ATE1: variants seen among roughly 807,000 people sequenced by gnomAD.
ATE1 encodes the protein arginyltransferase 1.
Under a neutral mutation model 70.5 loss-of-function variants are expected in ATE1, and 36 were observed. That is an observed-to-expected ratio of 0.51 (90% CI 0.39 to 0.67). The LOEUF (loss-of-function observed/expected upper bound fraction) is 0.67. Ranked by LOEUF, ATE1 falls within the 30% of genes least tolerant of loss-of-function variation. The probability of loss-of-function intolerance (pLI) is 0.00; values close to 1 mark genes in which losing one functional copy is unlikely to be tolerated. For synonymous variants in ATE1, 232 were observed against 219.3 expected, an observed-to-expected ratio of 1.06 and a Z score of -0.51; for missense variants, 593 against 629.5, an observed-to-expected ratio of 0.94 and a Z score of 0.62.
chr10:121,863,223 T>C (rs1415357508), intron 8 of ATE1, among the ~76,000 whole-genome samples: 1 of 147,022 alleles, frequency 6.8e-6, no homozygotes, highest in African/African-American at 2.7e-5. Flanking sequence ...GAAATGTCAC[T>C]CTTTCTTCCA....
rs369126133 is a variant in ATE1 at position 121,911,120 on chromosome 10, A to G, written c.369T>C (p.Ala123=). The change falls in exon 5 of 12, where the codon GCT becomes GCC. Residue 123 remains alanine, a synonymous_variant. Transcript: ENST00000224652. ...DEPMDSTMDD[A]VAGDFALINK... is the part of the protein sequence containing the mutation. ...TTATCAATGCAAAGTCACCCGCAAC[A>G]GCATCATCCATTGTGGAATCCATGG... 3.1e-6 allele frequency: 5 copies of G among 1,608,654 alleles called. No individual in the cohort carries two copies. Among genetic ancestry groups the G allele is most frequent in the Middle Eastern group, 1.6e-4 (1 of 6,066 alleles).
chr10:121,882,451 T>C (rs1950257275), intron 7 of ATE1, among the ~76,000 whole-genome samples: 1 of 152,218 alleles, frequency 6.6e-6, no homozygotes. Context: ...CAAGCACCTT[T>C]ACAAGTATAG....
At chr10:121,908,189 A>C (rs1289740071) in intron 5 of ATE1, among the ~76,000 whole-genome samples, 1 of 152,192 alleles carries the variant, frequency 6.6e-6, no homozygotes, top group Non-Finnish European at 1.5e-5. Context: ...AAAAATGATA[A>C]ATAAAAAGAA....
intron 10 of ATE1, among the ~76,000 whole-genome samples, chr10:121,834,640 G>A (rs774607304): frequency 1.3e-5 from 2 of 151,814 alleles, no homozygotes; most frequent in African/African-American, 4.8e-5. Context: ...GTCAACAAAG[G>A]TGTCAGCAAA....
intron 10 of ATE1, among the ~76,000 whole-genome samples, chr10:121,819,940 G>C (rs1947726555): frequency 6.6e-6 from 1 of 151,974 alleles, no homozygotes; most frequent in Non-Finnish European, 1.5e-5. Flanking sequence ...GAGGTCAGGA[G>C]TTCGAGACCA....
intron 7 of ATE1, among the ~76,000 whole-genome samples, chr10:121,884,098 C>T (rs1340041977): frequency 2.0e-5 from 2 of 98,480 alleles, no homozygotes; most frequent in Admixed American, 1.4e-4. Flanking sequence ...ACAGTGAGAC[C>T]CAGACTCAAA....
intron 10 of ATE1, among the ~76,000 whole-genome samples, chr10:121,815,472 T>C (rs1302036837): frequency 6.6e-6 from 1 of 152,158 alleles, no homozygotes; most frequent in South Asian, 2.1e-4. Flanking sequence ...TACCACTGCT[T>C]CTGAAGGACC....
intron 10 of ATE1, among the ~76,000 whole-genome samples, chr10:121,821,837 C>A (rs1178978707): frequency 6.6e-6 from 1 of 152,148 alleles, no homozygotes; most frequent in South Asian, 2.1e-4. Context: ...GCTGAGACTG[C>A]GCCACTGCAC....
intron 10 of ATE1, among the ~76,000 whole-genome samples, chr10:121,830,833 C>A (rs1344904043): frequency 6.6e-6 from 1 of 152,184 alleles, no homozygotes; most frequent in Non-Finnish European, 1.5e-5. Flanking sequence ...AGGTTTACTT[C>A]AGATTTTCGG....
intron 11 of ATE1, among the ~76,000 whole-genome samples, chr10:121,746,001 A>G (rs549957300): frequency 1.4e-4 from 21 of 152,308 alleles, no homozygotes; most frequent in African/African-American, 4.8e-4. Flanking sequence ...TCCAATATAA[A>G]AAATCTGGAG....
chr10:121,812,705 C>A (rs761557708), intron 10 of ATE1, among the ~76,000 whole-genome samples: 10 of 152,204 alleles, frequency 6.6e-5, no homozygotes, highest in Non-Finnish European at 1.3e-4. Context: ...CCTTTCCCTT[C>A]TCTTCCCTCC....
intron 11 of ATE1, among the ~76,000 whole-genome samples, chr10:121,754,285 T>C (rs1008779558): frequency 5.3e-5 from 8 of 152,154 alleles, no homozygotes; most frequent in Admixed American, 4.6e-4. Flanking sequence ...AAAAAATAAC[T>C]AGGGCTCCTT....
intron 3 of ATE1, among the ~76,000 whole-genome samples, chr10:121,915,036 T>G (rs551226579): frequency 1.4e-4 from 22 of 152,064 alleles, no homozygotes; most frequent in Non-Finnish European, 2.5e-4. Flanking sequence ...AATGGAACAC[T>G]GAAAAGTCAG....
At chr10:121,919,292 C>G (rs1590729756) in intron 3 of ATE1, among the ~76,000 whole-genome samples, 1 of 152,266 alleles carries the variant, frequency 6.6e-6, no homozygotes, top group Admixed American at 6.5e-5. Context: ...CCAGAAGGAA[C>G]CAACTCCAGA....
intron 7 of ATE1, chr10:121,898,751 G>A (rs1950867945): frequency 6.8e-7 from 1 of 1,460,852 alleles, no homozygotes; most frequent in African/African-American, 1.4e-5. Context: ...ACACTGAAAG[G>A]GTCATCAGCT....
intron 3 of ATE1, among the ~76,000 whole-genome samples, chr10:121,915,604 G>A (rs1951617264): frequency 6.6e-6 from 1 of 152,086 alleles, no homozygotes; most frequent in East Asian, 1.9e-4. Context: ...AGCTTCCTAA[G>A]AGAGGCCGGG....
At chr10:121,848,213 T>C (rs1948910918) in intron 8 of ATE1, among the ~76,000 whole-genome samples, 1 of 152,188 alleles carries the variant, frequency 6.6e-6, no homozygotes, top group Non-Finnish European at 1.5e-5. Context: ...TAGGCAGCTC[T>C]GAAATAAGTC....
intron 8 of ATE1, among the ~76,000 whole-genome samples, chr10:121,847,105 T>C (rs1948854442): frequency 6.6e-6 from 1 of 152,118 alleles, no homozygotes; most frequent in African/African-American, 2.4e-5. Flanking sequence ...AAACCATCTT[T>C]TAAAAATGTA....
chr10:121,806,832 G>T (rs1291130356), intron 10 of ATE1, among the ~76,000 whole-genome samples: 5 of 152,164 alleles, frequency 3.3e-5, no homozygotes, highest in African/African-American at 9.7e-5. Flanking sequence ...ACGTACACGG[G>T]TGTTCATTAT....
Sources: allele counts gnomAD v4.1 joint callset (sites outside exome capture counted in the v4.1 genomes callset), GRCh38; gene constraint gnomAD v4.1.1; transcripts MANE v1.5; gene names NCBI Gene and HGNC (gene_info 2026-07-23, HGNC 2026-07-21).